MAST1: variants seen among roughly 807,000 people sequenced by gnomAD.
MAST1 encodes microtubule associated serine/threonine kinase 1, also known as microtubule-associated serine/threonine-protein kinase 1.
Under a neutral mutation model 124.6 loss-of-function variants are expected in MAST1, and 40 were observed. The observed-to-expected ratio is 0.32, with a 90% CI of 0.25 to 0.42. The LOEUF (loss-of-function observed/expected upper bound fraction) is 0.42. MAST1 is among the 10% of genes least tolerant of loss of function. The pLI is 1.00. For missense variants in MAST1, 1,558 were observed against 2,181.9 expected, an observed-to-expected ratio of 0.71 and a Z score of 5.70; for synonymous variants, 938 against 939.4, an observed-to-expected ratio of 1.00 and a Z score of 0.03.
chr19:12,871,233 C>A, intron 24 of MAST1, 61 bp downstream of exon 24: 1 of 1,604,882 alleles, frequency 6.2e-7, no homozygotes, highest in East Asian at 2.2e-5. Flanking sequence ...GCGGGAGGGG[C>A]ACAGATGAGG....
chr19:12,862,057 TG>T (rs1477874265), intron 12 of MAST1, among the ~76,000 whole-genome samples: 2 of 141,958 alleles, frequency 1.4e-5, no homozygotes, highest in African/African-American at 5.3e-5. Flanking sequence ...CAGGCTAGAG[TG>T]CAATGGGGTG....
At chr19:12,858,805 C>T (rs1478952996) in intron 12 of MAST1, 66 bp downstream of exon 12, 1 of 1,505,256 alleles carries the variant, frequency 6.6e-7, no homozygotes, top group Non-Finnish European at 9.2e-7. Flanking sequence ...TGCGGGGTGG[C>T]CTGCCTGAGC....
In MAST1 at chr19:12,867,848, G is replaced by T; in HGVS notation, c.2437G>T (p.Asp813Tyr). The T allele has an allele frequency of 1.2e-6, 2 of 1,605,854 alleles. No individual in the cohort carries two copies. Among genetic ancestry groups the T allele is most frequent in the Non-Finnish European group, 1.7e-6 (2 of 1,176,788 alleles). The change falls in exon 20 of 26, where the codon GAC (aspartate) becomes TAC (tyrosine). Residue 813 changes from aspartate (D) to tyrosine (Y), a missense_variant. Physicochemically the swap from Asp to Tyr is radical, Grantham distance 160 (BLOSUM62 -3). Coordinates refer to ENST00000251472, the MANE Select transcript of MAST1 (RefSeq NM_014975.3). ...CAGCCGCTTCAGCGCCCCCCAAGAGGACGAGGATGAGGCCCGGCTGCGCAG... is the reference window on the plus strand; with the variant it reads ...CAGCCGCTTCAGCGCCCCCCAAGAGTACGAGGATGAGGCCCGGCTGCGCAG... ...EPSRFSAPQE[D>Y]EDEARLRRPP...
chr19:12,869,192 C>G lies in MAST1; in HGVS notation c.2900C>G (p.Pro967Arg). 6.2e-7 allele frequency: 1 copy of G among 1,614,216 alleles called. No individual in the cohort carries two copies. The highest frequency in any genetic ancestry group is 8.5e-7 in the Non-Finnish European group (1 of 1,180,038). The change falls in exon 22 of 26, where the codon CCC (proline) becomes CGC (arginine). Residue 967 changes from proline to arginine, a missense_variant. Physicochemically the swap from Pro to Arg is moderately radical, Grantham distance 103. Around this residue, in one of 10 missense-constraint regions of MAST1, gnomAD observed 291 missense variants for 475.8 expected, o/e 0.61. Transcript: ENST00000251472. ...CCAGCTGTCAGTGGGCTCCGCTCCC[C>G]CATCACCATCCAGCGCTCGGGCAAG... The part of the protein sequence containing the change: ...YSPAVSGLRS[P>R]ITIQRSGKKY...
In MAST1 at chr19:12,874,667, T is replaced by A. The variant is rs755046228; in HGVS notation, c.4510T>A (p.Ser1504Thr). 1 of 1,538,272 alleles carries A rather than the reference T, an allele frequency of 6.5e-7. No homozygotes were observed. The highest frequency in any genetic ancestry group is 8.8e-7 in the Non-Finnish European group (1 of 1,138,942). ...PRSKPASPKL[S>T]PEPQTPSLAP... ...CTCCAAGCCCGCCTCCCCAAAGCTC[T>A]CCCCGGAGCCCCAGACACCCTCCCT... Residue 1504 changes from serine to threonine, a missense_variant, in exon 26 of 26, where the codon TCC becomes ACC. By Grantham distance (58) the Ser-to-Thr change is moderately conservative (BLOSUM62 1). Around this residue, in one of 10 missense-constraint regions of MAST1, gnomAD observed 168 missense variants for 154.3 expected, o/e 1.09. Coordinates refer to ENST00000251472, the MANE Select transcript of MAST1 (RefSeq NM_014975.3). The surrounding 1 kb of genome is among the most constrained non-coding windows in gnomAD (Gnocchi z 6.6).
At position 12,867,682 on chromosome 19, in the gene MAST1, C is replaced by T. The variant is rs919147289; in HGVS notation, c.2318+30C>T. On this transcript the variant is annotated intron_variant, in intron 19 of 25. Coordinates refer to ENST00000251472, the MANE Select transcript of MAST1 (RefSeq NM_014975.3). ...GCAGGGGAATGGCGGAGTTTGGGGG[C>T]GGGGTCGAAGGGGGCGTGTCTTCCA... 15 of 1,545,868 alleles carry T rather than the reference C, an allele frequency of 9.7e-6. No homozygotes were observed. The East Asian group carries it at 3.3e-4, about 34-fold the overall frequency.
rs1969790776 is a variant in MAST1, at chr19:12,838,756, A to C, written c.83+101A>C. On this transcript the variant is annotated intron_variant, in intron 1 of 25. Transcript: ENST00000251472. This position sits in a 1 kb window ranked among gnomAD's most constrained non-coding sequence, Gnocchi z 4.3. ...GGGCCCGGGATGCTGCGCCCGGTCC[A>C]GCTGCGCCAGAGGTGCCCCAGCTGC... The C allele has an allele frequency of 7.4e-6, 8 of 1,077,436 alleles. No individual in the cohort carries two copies. The highest frequency in any genetic ancestry group is 2.4e-5 in the Admixed American group (1 of 40,916). 66.7% of individuals were successfully genotyped at this position (1,077,436 alleles called of 1,614,324 possible). A position where few individuals can be genotyped will look rare whatever the true frequency, so the allele number is the denominator to read the frequency against.
rs1970137412 is a variant in MAST1 at position 12,865,218 on chromosome 19, C to A, written c.1638+40C>A. The A allele has an allele frequency of 6.2e-7, 1 of 1,602,290 alleles. No homozygotes were observed. The highest frequency in any genetic ancestry group is 2.2e-5 in the East Asian group (1 of 44,762). On this transcript the variant is annotated intron_variant, in intron 14 of 25. Transcript: ENST00000251472. The surrounding 1 kb of genome is among the most constrained non-coding windows in gnomAD (Gnocchi z 7.1). ...ATGGGGGTCGCTGAGGGTGGAGTGA[C>A]CCTGCAGGACCTCGGGAACCCAGGG...
rs1009023052 is a variant in MAST1 at position 12,843,453 on chromosome 19, T to C, written c.249-76T>C. 2 of 1,179,292 alleles carry C rather than the reference T, an allele frequency of 1.7e-6. No homozygotes were observed. Among genetic ancestry groups the C allele is most frequent in the Non-Finnish European group, 2.5e-6 (2 of 802,152 alleles). The allele number at this position is 1,179,292 out of a possible 1,614,324, so 73.1% of individuals were successfully genotyped here. ...CAACCCCCACCCTGGCCCTGGCCAGTGGCTTCACCCACACCCTGAGGAGTT... is the reference window on the plus strand; with the variant it reads ...CAACCCCCACCCTGGCCCTGGCCAGCGGCTTCACCCACACCCTGAGGAGTT... On this transcript the variant is annotated intron_variant, in intron 3 of 25. Coordinates refer to ENST00000251472, the MANE Select transcript of MAST1 (RefSeq NM_014975.3). The surrounding 1 kb of genome is among the most constrained non-coding windows in gnomAD (Gnocchi z 4.9).
chr19:12,840,659 A>G (rs1346284283), intron 2 of MAST1, 125 bp downstream of exon 2: 2 of 729,330 alleles, frequency 2.7e-6, no homozygotes, highest in Non-Finnish European at 4.8e-6. Context: ...AGTTTGGATA[A>G]GGGGCGGGGC....
At position 12,865,676 on chromosome 19, in the gene MAST1, CA is replaced by C. The variant is rs778634945; in HGVS notation, c.1805-39del. 144 of 1,550,636 alleles carry C rather than the reference CA, an allele frequency of 9.3e-5. No individual in the cohort carries two copies. The highest frequency in any genetic ancestry group is 1.2e-4 in the Non-Finnish European group (138 of 1,133,494). ...GTGAGATCCTGTGTCCAAACAACAACAACAACAAAAACCGCCCCTAAGTTCC... is the reference window on the plus strand; with the variant it reads ...GTGAGATCCTGTGTCCAAACAACAACACAACAAAAACCGCCCCTAAGTTCC... On this transcript the variant is annotated intron_variant, in intron 15 of 25. Transcript: ENST00000251472. This position sits in a 1 kb window ranked among gnomAD's most constrained non-coding sequence, Gnocchi z 7.1.
rs138450782 is a variant in MAST1 at position 12,865,751 on chromosome 19, A to G, written c.1839A>G (p.Leu613=). 8.1e-6 allele frequency: 13 copies of G among 1,613,710 alleles called. No individual in the cohort carries two copies. In the East Asian group the frequency reaches 2.7e-4, roughly 33 times the overall value. The change falls in exon 16 of 26, where the codon CTA becomes CTG. Residue 613 remains leucine (L), a synonymous_variant. Transcript: ENST00000251472. The surrounding 1 kb of genome is among the most constrained non-coding windows in gnomAD (Gnocchi z 7.1). ...TGTGGCCCGAGGGGGATGAGGCCCT[A>G]CCTACGGAGGCCCAACTCCTCATAT... is the stretch of plus-strand genomic sequence containing the variant. ...DILWPEGDEA[L]PTEAQLLISS...
In MAST1 at chr19:12,865,595, A is replaced by T. The variant is rs972959696; in HGVS notation, c.1804+114A>T. 1 of 1,471,512 alleles carries T rather than the reference A, an allele frequency of 6.8e-7. No individual in the cohort carries two copies. The highest frequency in any genetic ancestry group is 1.4e-5 in the African/African-American group (1 of 71,128). 91.2% of individuals were successfully genotyped at this position (1,471,512 alleles called of 1,614,324 possible). On this transcript the variant is annotated intron_variant, in intron 15 of 25. Coordinates refer to ENST00000251472, the MANE Select transcript of MAST1 (RefSeq NM_014975.3). The surrounding 1 kb of genome is among the most constrained non-coding windows in gnomAD (Gnocchi z 7.1). The stretch of plus-strand genomic sequence containing the variant: ...CCCCAGAGGATCGCTTGCACTCAGG[A>T]GGTCAAGGCTGCAGTGAGCCATGAT...
Position 12,847,401 on chromosome 19 carries a change from G to A in MAST1, c.439G>A (p.Asp147Asn). ...GAGCACCGAGAGCATCACAGACGAG[G>A]ATGGTGGCCGTCGCTCCCCAGCCGT... ...FGSTESITDE[D>N]GGRRSPAVRP... is the part of the protein sequence containing the mutation. Residue 147 changes from aspartate (D) to asparagine (N), a missense_variant, in exon 5 of 26, where the codon GAT becomes AAT. By Grantham distance (23) the Asp-to-Asn change is conservative. Around this residue, in one of 10 missense-constraint regions of MAST1, gnomAD observed 165 missense variants for 315.3 expected, o/e 0.52. Transcript: ENST00000251472. The surrounding 1 kb of genome is among the most constrained non-coding windows in gnomAD (Gnocchi z 5.5). 1 of 1,613,948 alleles carries A rather than the reference G, an allele frequency of 6.2e-7. No homozygotes were observed. The highest frequency in any genetic ancestry group is 8.5e-7 in the Non-Finnish European group (1 of 1,180,014).
At position 12,840,440 on chromosome 19, in the gene MAST1, C is replaced by T; in HGVS notation, c.84-6C>T. On this transcript the variant is annotated splice_polypyrimidine_tract_variant and splice_region_variant and intron_variant, in intron 1 of 25. Coordinates refer to ENST00000251472, the MANE Select transcript of MAST1 (RefSeq NM_014975.3). The stretch of plus-strand genomic sequence containing the variant: ...GCCCGGCCCCCCTGCCTTACCTTCC[C>T]CGCAGCTGCCGCACCAGTAATCGGA... The T allele has an allele frequency of 6.2e-7, 1 of 1,609,480 alleles. No individual in the cohort carries two copies. Among genetic ancestry groups the T allele is most frequent in the East Asian group, 2.2e-5 (1 of 44,844 alleles).
chr19:12,871,741 C>T (rs1487174918), intron 24 of MAST1, among the ~76,000 whole-genome samples: 1 of 151,638 alleles, frequency 6.6e-6, no homozygotes. Flanking sequence ...CATAGAGAGA[C>T]CCCATCTCTA....
chr19:12,859,534 G>T (rs1443069980), intron 12 of MAST1, among the ~76,000 whole-genome samples: 1 of 151,908 alleles, frequency 6.6e-6, no homozygotes, highest in Admixed American at 6.6e-5. Context: ...TTATAGGTGC[G>T]GACCACCACA....
chr19:12,855,460 T>TA (rs898220781), intron 10 of MAST1, among the ~76,000 whole-genome samples: 4 of 150,570 alleles, frequency 2.7e-5, no homozygotes, highest in Admixed American at 1.3e-4. Flanking sequence ...TGTCTCTACT[T>TA]AAAAAAAAAT....
chr19:12,874,293 G>T lies in MAST1; in HGVS notation c.4136G>T (p.Gly1379Val). The T allele has an allele frequency of 6.3e-7, 1 of 1,592,700 alleles. No homozygotes were observed. Residue 1379 changes from glycine (G) to valine (V), a missense_variant, in exon 26 of 26, where the codon GGC (glycine) becomes GTC (valine). By Grantham distance (109) the Gly-to-Val change is moderately radical. Around this residue, in one of 10 missense-constraint regions of MAST1, gnomAD observed 263 missense variants for 310.9 expected, o/e 0.85. Transcript: ENST00000251472. The surrounding 1 kb of genome is among the most constrained non-coding windows in gnomAD (Gnocchi z 6.6). ...CCACCCCGCGCGACGACCCCCGGTG[G>T]CCGGACCCTGGAGCGGGACGTCGGC... ...CTPPRATTPG[G>V]RTLERDVGCT...
Sources: allele counts gnomAD v4.1 joint callset (sites outside exome capture counted in the v4.1 genomes callset), GRCh38; gene constraint gnomAD v4.1.1; regional missense constraint gnomAD v4.1.1; non-coding constraint Gnocchi (gnomAD v3.1); transcripts MANE v1.5; gene names NCBI Gene and HGNC (gene_info 2026-07-23, HGNC 2026-07-21).